The following EIF2B3 variants were observed in gnomAD, a reference collection of about 807,000 sequenced individuals.
EIF2B3 encodes translation initiation factor eIF2B subunit gamma.
A neutral mutation model predicts 54.1 loss-of-function variants in EIF2B3; 20 were observed. The ratio of observed to expected loss-of-function variants is 0.37; its 90% CI spans 0.26 to 0.54. The LOEUF (loss-of-function observed/expected upper bound fraction) is 0.54. Among genes scored for constraint, EIF2B3 ranks in the 20% least tolerant of loss-of-function variants. The probability of loss-of-function intolerance (pLI) is 0.86; values close to 1 mark genes in which losing one functional copy is unlikely to be tolerated. For synonymous variants in EIF2B3, 153 were observed against 188.1 expected (o/e 0.81, Z 1.52); for missense variants, 448 against 547.8 (o/e 0.82, Z 1.82).
intron 9 of EIF2B3, 83 bp downstream of exon 9, chr1:44,875,535 A>T: frequency 3.1e-6 from 4 of 1,309,402 alleles, no homozygotes; most frequent in Non-Finnish European, 4.4e-6. Flanking sequence ...CAGGACTTAA[A>T]GGCCTCAATC....
chr1:44,966,345 A>C (rs948496912), intron 3 of EIF2B3, among the ~76,000 whole-genome samples: 3 of 151,424 alleles, frequency 2.0e-5, no homozygotes, highest in African/African-American at 7.3e-5. Flanking sequence ...AGGCTGAGAC[A>C]GGAGAATGGC....
intron 2 of EIF2B3, 100 bp downstream of exon 2, chr1:44,980,921 G>C: frequency 6.8e-7 from 1 of 1,465,852 alleles, no homozygotes; most frequent in Non-Finnish European, 9.5e-7. Context: ...CAGCCAACGA[G>C]TTCTAGTCAC....
At position 44,902,990 on chromosome 1, in the gene EIF2B3, G is replaced by A. The variant is rs867490605; in HGVS notation, c.567-5546C>T. Among the ~76,000 whole-genome samples the A allele has an allele frequency of 3.3e-5, 5 of 152,122 alleles. No homozygotes were observed. In the South Asian group the frequency reaches 8.3e-4, roughly 25 times the overall value. ...GTTCCAAATATTAACAACACATACT[G>A]TATGTCAGGGGCAAAGCTTTAGGAT... On this transcript the variant is annotated intron_variant, in intron 5 of 11. Transcript: ENST00000360403.
intron 5 of EIF2B3, among the ~76,000 whole-genome samples, chr1:44,897,850 C>T (rs1656028385): frequency 1.3e-5 from 2 of 151,180 alleles, no homozygotes; most frequent in South Asian, 4.2e-4. Context: ...AATTCTTGTG[C>T]CTCAGCCTAC....
chr1:44,877,192 TAAAAA>T (rs768263508), intron 8 of EIF2B3, among the ~76,000 whole-genome samples: 8 of 52,082 alleles, frequency 1.5e-4, no homozygotes, highest in African/African-American at 4.5e-4. Context: ...GAATGATCAA[TAAAAA>T]AAAAAAAAAA....
chr1:44,875,577 A>C, intron 9 of EIF2B3, 41 bp downstream of exon 9: 1 of 1,595,184 alleles, frequency 6.3e-7, no homozygotes, highest in Middle Eastern at 1.7e-4. Context: ...CGATGCTCCC[A>C]AAGAACATCT....
Position 44,962,244 on chromosome 1 carries a change from C to CAT in EIF2B3, c.294+16070_294+16071insAT, listed in dbSNP as rs59423875. Among the ~76,000 whole-genome samples the CAT allele has an allele frequency of 1.1e-4, 17 of 151,580 alleles. 1 individual carries two copies. The East Asian group carries it at 3.1e-3, about 28-fold the overall frequency. On this transcript the variant is annotated intron_variant, in intron 3 of 11. Transcript: ENST00000360403. ...TCATCATCATCATCATCATCATCATCCTTCCTCTGGGAGAACATTCTTGGG... is the reference window on the plus strand; with the variant it reads ...TCATCATCATCATCATCATCATCATCATCTTCCTCTGGGAGAACATTCTTGGG...
At chr1:44,898,552 A>T (rs918717010) in intron 5 of EIF2B3, among the ~76,000 whole-genome samples, 3 of 152,164 alleles carry the variant, frequency 2.0e-5, no homozygotes, top group Non-Finnish European at 2.9e-5. Flanking sequence ...GTTTGAGGTC[A>T]TTCTATTTAA....
intron 2 of EIF2B3, among the ~76,000 whole-genome samples, chr1:44,980,088 T>C (rs1211708277): frequency 6.6e-6 from 1 of 152,166 alleles, no homozygotes; most frequent in Non-Finnish European, 1.5e-5. Flanking sequence ...GGCACCCTGA[T>C]TTATTACATC....
intron 4 of EIF2B3, among the ~76,000 whole-genome samples, chr1:44,928,501 T>A (rs907800342): frequency 2.1e-5 from 2 of 96,372 alleles, no homozygotes; most frequent in Admixed American, 2.0e-4. Context: ...GGGCGCTTCG[T>A]TTTTTTTTTT....
chr1:44,888,205 G>A (rs1359071085), intron 6 of EIF2B3, among the ~76,000 whole-genome samples: 6 of 151,700 alleles, frequency 4.0e-5, no homozygotes, highest in Non-Finnish European at 8.8e-5. Flanking sequence ...GGTGGCTAAT[G>A]TCTATGTTTT....
chr1:44,979,388 A>T (rs1297322584), intron 2 of EIF2B3, among the ~76,000 whole-genome samples: 1 of 149,204 alleles, frequency 6.7e-6, no homozygotes, highest in Non-Finnish European at 1.5e-5. Context: ...AATATAAAAA[A>T]CACTCTGGGA....
intron 2 of EIF2B3, among the ~76,000 whole-genome samples, chr1:44,979,983 T>TA (rs1557716096): frequency 1.3e-5 from 2 of 151,778 alleles, no homozygotes; most frequent in African/African-American, 2.4e-5. Flanking sequence ...CTTCATTCAA[T>TA]ACAAAGAGAG....
At chr1:44,944,750 T>A (rs528290907) in intron 3 of EIF2B3, among the ~76,000 whole-genome samples, 2 of 152,082 alleles carry the variant, frequency 1.3e-5, no homozygotes, top group African/African-American at 4.8e-5. Context: ...TGCTTAAACC[T>A]CAGAGGAGTT....
intron 5 of EIF2B3, among the ~76,000 whole-genome samples, chr1:44,925,474 G>A (rs1006745625): frequency 9.2e-5 from 14 of 152,288 alleles, no homozygotes; most frequent in African/African-American, 3.4e-4. Flanking sequence ...GATATTTAAA[G>A]TAGAATCGTG....
chr1:44,931,273 G>A (rs1376973499), intron 4 of EIF2B3, among the ~76,000 whole-genome samples: 1 of 152,176 alleles, frequency 6.6e-6, no homozygotes, highest in Non-Finnish European at 1.5e-5. Context: ...CTAGGGAAAT[G>A]AAATTCTCCC....
intron 11 of EIF2B3, among the ~76,000 whole-genome samples, chr1:44,853,779 A>G (rs1415330200): frequency 6.6e-6 from 1 of 152,082 alleles, no homozygotes; most frequent in African/African-American, 2.4e-5. Flanking sequence ...GAAGGGAAAA[A>G]CATCACAAAT....
At chr1:44,887,661 G>A (rs905313932) in intron 6 of EIF2B3, among the ~76,000 whole-genome samples, 8 of 152,156 alleles carry the variant, frequency 5.3e-5, no homozygotes, top group East Asian at 1.9e-4. Flanking sequence ...TATGAAGGCC[G>A]GGCGCGATGG....
chr1:44,853,116 TG>T (rs1654326299), intron 11 of EIF2B3, among the ~76,000 whole-genome samples: 1 of 152,022 alleles, frequency 6.6e-6, no homozygotes, highest in African/African-American at 2.4e-5. Flanking sequence ...GGAAGTACCC[TG>T]GAAGCTGATC....
Sources: gnomAD v4.1 joint callset for allele counts (sites outside exome capture counted in the v4.1 genomes callset) on GRCh38, gnomAD v4.1.1 for gene constraint, MANE v1.5 for transcripts, NCBI Gene and HGNC (gene_info 2026-07-23, HGNC 2026-07-21) for gene names.